The following TMEM232 variants were observed in gnomAD, a reference collection of about 807,000 sequenced individuals.
The protein encoded by TMEM232 is transmembrane protein 232.
In TMEM232, 80 loss-of-function variants were observed where a neutral mutation model predicts 78.8. The ratio of observed to expected loss-of-function variants is 1.01; its 90% confidence interval spans 0.85 to 1.22. The LOEUF is 1.22. Among genes scored for constraint, TMEM232 ranks in the 50% most tolerant of loss-of-function variants. The probability of loss-of-function intolerance (pLI) is 0.00; values close to 1 mark genes in which losing one functional copy is unlikely to be tolerated. For synonymous variants in TMEM232, 297 were observed against 254.3 expected (o/e 1.17, Z -1.60); for missense variants, 881 against 742.2 (o/e 1.19, Z -2.17).
chr5:110,618,860 G>A (rs1007303631), intron 7 of TMEM232, among the ~76,000 whole-genome samples: 21 of 152,278 alleles, frequency 1.4e-4, no homozygotes, highest in Middle Eastern at 6.8e-3. Context: ...CACAATTGTG[G>A]TTCGTAGATT....
intron 11 of TMEM232, among the ~76,000 whole-genome samples, chr5:110,554,096 A>T (rs1438378372): frequency 2.0e-5 from 3 of 152,114 alleles, no homozygotes; most frequent in African/African-American, 7.2e-5. Context: ...ACTTGATTGG[A>T]TTGAAGGATA....
chr5:110,570,586 G>T (rs1581249318), intron 10 of TMEM232, among the ~76,000 whole-genome samples: 1 of 151,916 alleles, frequency 6.6e-6, no homozygotes, highest in East Asian at 1.9e-4. Flanking sequence ...TGTCCAATAG[G>T]TAAATTTGGG....
At chr5:110,396,806 A>G (rs1755406824) in intron 3 of TMEM232, among the ~76,000 whole-genome samples, 1 of 152,162 alleles carries the variant, frequency 6.6e-6, no homozygotes, top group African/African-American at 2.4e-5. Flanking sequence ...TACATAGTTA[A>G]CAGAATGAAT....
intron 11 of TMEM232, 66 bp from the exon 12 acceptor site, chr5:110,528,901 T>C (rs776375068): frequency 5.8e-6 from 7 of 1,214,106 alleles, no homozygotes; most frequent in South Asian, 3.7e-5. Flanking sequence ...AAATCGTGTA[T>C]TATTAAATTT....
At chr5:110,441,384 T>C (rs868688688) in intron 12 of TMEM232, among the ~76,000 whole-genome samples, 9 of 152,174 alleles carry the variant, frequency 5.9e-5, no homozygotes, top group African/African-American at 4.8e-5. Flanking sequence ...TGAAATGTTA[T>C]ATGATTGCTA....
chr5:110,705,297 G>A (rs1188521716), intron 1 of TMEM232, among the ~76,000 whole-genome samples: 3 of 152,040 alleles, frequency 2.0e-5, no homozygotes, highest in African/African-American at 7.2e-5. Context: ...GGTGCCATAG[G>A]GGCAGGACTT....
Position 110,655,379 on chromosome 5 carries a change from T to A in TMEM232, c.125+11849A>T, listed in dbSNP as rs540047386. Among the ~76,000 whole-genome samples the A allele has an allele frequency of 5.3e-4, 79 of 149,788 alleles. No individual in the cohort carries two copies. The East Asian group carries it at 0.011, about 21-fold the overall frequency. On this transcript the variant is annotated intron_variant, in intron 2 of 13. Transcript: ENST00000455884. ...AGATACCATCTCACACCAGTTAGAA[T>A]GGCTATCATTAAAAAGTCAGGAAAC...
At chr5:110,618,384 A>C in intron 8 of TMEM232, 45 bp downstream of exon 8, 2 of 1,543,046 alleles carry the variant, frequency 1.3e-6, no homozygotes, top group South Asian at 1.2e-5. Flanking sequence ...TTTAAGCACA[A>C]AGATTTCTCC....
intron 12 of TMEM232, among the ~76,000 whole-genome samples, chr5:110,454,173 T>C (rs749415598): frequency 2.6e-5 from 4 of 152,178 alleles, no homozygotes; most frequent in Non-Finnish European, 2.9e-5. Flanking sequence ...TTAACATGTA[T>C]AGAATATTCT....
chr5:110,463,142 C>G (rs755339469), intron 12 of TMEM232, among the ~76,000 whole-genome samples: 1 of 152,142 alleles, frequency 6.6e-6, no homozygotes, highest in Non-Finnish European at 1.5e-5. Context: ...ATTGTGGCGA[C>G]TTTATTGTTG....
At chr5:110,702,904 G>C (rs1795572222) in intron 1 of TMEM232, among the ~76,000 whole-genome samples, 1 of 151,992 alleles carries the variant, frequency 6.6e-6, no homozygotes, top group Admixed American at 6.6e-5. Flanking sequence ...GTTACATGTA[G>C]CTCATGACCT....
At chr5:110,697,393 G>A (rs893834643) in intron 1 of TMEM232, among the ~76,000 whole-genome samples, 3 of 152,140 alleles carry the variant, frequency 2.0e-5, no homozygotes, top group Admixed American at 1.3e-4. Flanking sequence ...CATGGGCAAG[G>A]ACTTCATGTC....
At chr5:110,406,634 C>T (rs1158892528) in intron 2 of TMEM232, among the ~76,000 whole-genome samples, 2 of 151,964 alleles carry the variant, frequency 1.3e-5, no homozygotes, top group African/African-American at 4.8e-5. Flanking sequence ...AAAGGGAGTA[C>T]GTTTCAAGGT....
At chr5:110,691,533 C>T (rs922183322) in intron 1 of TMEM232, among the ~76,000 whole-genome samples, 18 of 152,106 alleles carry the variant, frequency 1.2e-4, no homozygotes, top group Non-Finnish European at 1.9e-4. Flanking sequence ...TAAAAGTGGG[C>T]CAAGATGGCT....
chr5:110,469,319 G>C (rs1762417665), intron 12 of TMEM232, among the ~76,000 whole-genome samples: 1 of 152,202 alleles, frequency 6.6e-6, no homozygotes, highest in Non-Finnish European at 1.5e-5. Flanking sequence ...ACTAAATCAT[G>C]CTTGTCTGGT....
At chr5:110,579,943 C>T (rs1483883408) in intron 10 of TMEM232, among the ~76,000 whole-genome samples, 1 of 151,522 alleles carries the variant, frequency 6.6e-6, no homozygotes, top group African/African-American at 2.4e-5. Context: ...TAAGGATACA[C>T]ATAGGCTGAA....
intron 1 of TMEM232, among the ~76,000 whole-genome samples, chr5:110,723,602 C>A (rs72773187): frequency 0.075 from 11,433 of 152,170 alleles, 499 homozygotes; most frequent in Admixed American, 0.12. Context: ...GTTTACACAA[C>A]TCTCCCTATA....
At chr5:110,657,965 G>C (rs1789311933) in intron 2 of TMEM232, among the ~76,000 whole-genome samples, 1 of 152,120 alleles carries the variant, frequency 6.6e-6, no homozygotes, top group African/African-American at 2.4e-5. Context: ...AATTAATATG[G>C]CTTCTCCTAA....
At chr5:110,727,914 A>G (rs547438963), upstream of TMEM232, among the ~76,000 whole-genome samples, 1 of 152,306 alleles carries the variant, frequency 6.6e-6, no homozygotes, top group African/African-American at 2.4e-5. Flanking sequence ...GCTTACCATA[A>G]TCCAGATAAA....
Sources: gnomAD v4.1 joint callset for allele counts (sites outside exome capture counted in the v4.1 genomes callset) on GRCh38, gnomAD v4.1.1 for gene constraint, MANE v1.5 for transcripts, NCBI Gene and HGNC (gene_info 2026-07-23, HGNC 2026-07-21) for gene names.